TIMP2: variants seen among roughly 807,000 people sequenced by gnomAD.
TIMP2 encodes the protein metalloproteinase inhibitor 2.
Under a neutral mutation model 24.3 loss-of-function variants are expected in TIMP2, and 5 were observed. That is an observed-to-expected ratio of 0.21 (90% confidence interval 0.11 to 0.43). TIMP2 has a LOEUF of 0.43. TIMP2 is among the 20% of genes least tolerant of loss of function. TIMP2 has a pLI of 1.00. For synonymous variants in TIMP2, 130 were observed against 123.2 expected (o/e 1.06, Z -0.37); for missense variants, 221 against 297.5 (o/e 0.74, Z 1.89).
At chr17:78,874,147 C>T (rs2069709476) in intron 1 of TIMP2, 1 of 504,304 alleles carries the variant, frequency 2.0e-6, no homozygotes, top group African/African-American at 2.0e-5. Flanking sequence ...GATTCTTCAA[C>T]AAGAATCCCT....
At chr17:78,883,790 C>G (rs932959632) in intron 1 of TIMP2, among the ~76,000 whole-genome samples, 3 of 152,172 alleles carry the variant, frequency 2.0e-5, no homozygotes, top group Admixed American at 1.3e-4. Context: ...CAAAGCCGCC[C>G]TCTCTGCCCA....
rs1284684244 is a variant in TIMP2, at chr17:78,891,220, G to A, written c.131-17301C>T. The A allele has an allele frequency of 1.2e-5, 18 of 1,550,540 alleles. No individual in the cohort carries two copies. In the South Asian group the frequency reaches 2.0e-4, roughly 17 times the overall value. ...CCTGATATTTTTGGTTCTGGGCCTT[G>A]CCCATGAACGTTTTCAAGTCGGTCT... On this transcript the variant is annotated intron_variant, in intron 1 of 4. Coordinates refer to ENST00000262768, the MANE Select transcript of TIMP2 (RefSeq NM_003255.5). This position sits in a 1 kb window ranked among gnomAD's most constrained non-coding sequence, Gnocchi z 4.5.
intron 1 of TIMP2, among the ~76,000 whole-genome samples, chr17:78,881,172 C>T (rs2080616778): frequency 6.6e-6 from 1 of 152,272 alleles, no homozygotes; most frequent in African/African-American, 2.4e-5. Flanking sequence ...TGCTCAGTAT[C>T]ACTGGAGGGC....
At chr17:78,917,077 C>G (rs1463520747) in intron 1 of TIMP2, among the ~76,000 whole-genome samples, 1 of 152,120 alleles carries the variant, frequency 6.6e-6, no homozygotes, top group Non-Finnish European at 1.5e-5. Flanking sequence ...AGGGTGAAAC[C>G]CCGTCTCTAC....
chr17:78,872,141 A>G (rs1349689424), intron 2 of TIMP2, among the ~76,000 whole-genome samples: 1 of 146,026 alleles, frequency 6.8e-6, no homozygotes, highest in African/African-American at 2.5e-5. Context: ...GGCGCATGCC[A>G]CCATGCTTGG....
At chr17:78,895,393 C>G (rs1345857275) in intron 1 of TIMP2, among the ~76,000 whole-genome samples, 1 of 152,216 alleles carries the variant, frequency 6.6e-6, no homozygotes, top group Non-Finnish European at 1.5e-5. Flanking sequence ...CGGCAGCGGT[C>G]TTTAGAGAAA....
chr17:78,865,792 G>A (rs758681269), intron 3 of TIMP2, among the ~76,000 whole-genome samples: 17 of 152,168 alleles, frequency 1.1e-4, no homozygotes, highest in Non-Finnish European at 1.9e-4. Context: ...ACTCCATCTC[G>A]AACAAAAACA....
chr17:78,861,754 A>T (rs1023811225), intron 3 of TIMP2, among the ~76,000 whole-genome samples: 16 of 152,092 alleles, frequency 1.1e-4, no homozygotes, highest in Middle Eastern at 3.4e-3. Context: ...GGTATGCGCC[A>T]CCACCCATGG....
At chr17:78,884,146 G>A (rs565973291) in intron 1 of TIMP2, among the ~76,000 whole-genome samples, 1 of 152,300 alleles carries the variant, frequency 6.6e-6, no homozygotes, top group East Asian at 1.9e-4. Flanking sequence ...AGGAGGCAGA[G>A]GGAGCCTGGA....
intron 1 of TIMP2, chr17:78,898,071 T>C (rs1181772834): frequency 6.6e-6 from 1 of 152,058 alleles, no homozygotes; most frequent in Non-Finnish European, 1.5e-5. Flanking sequence ...AAACAAAAGC[T>C]CAGAGAGGCT....
At position 78,901,285 on chromosome 17, in the gene TIMP2, C is replaced by T. The variant is rs150028370; in HGVS notation, c.130+23674G>A. 1,301 of 156,620 alleles carry T rather than the reference C, an allele frequency of 8.3e-3. 21 individuals carry two copies. Among genetic ancestry groups the T allele is most frequent in the African/African-American group, 0.03 (1,234 of 41,574 alleles). 9.7% of individuals were successfully genotyped at this position (156,620 alleles called of 1,614,324 possible). ...AGAAATGGCCAATTTGATCATGTCA[C>T]GGGATAAAGTTTCAAAATCAATAAA... On this transcript the variant is annotated intron_variant, in intron 1 of 4. Coordinates refer to ENST00000262768, the MANE Select transcript of TIMP2 (RefSeq NM_003255.5).
At chr17:78,871,404 A>G (rs2145754077) in intron 2 of TIMP2, among the ~76,000 whole-genome samples, 1 of 144,192 alleles carries the variant, frequency 6.9e-6, no homozygotes, top group African/African-American at 2.6e-5. Flanking sequence ...GTGAGCTGAG[A>G]TGGCGCCACT....
chr17:78,907,612 T>C (rs1376875188), intron 1 of TIMP2, among the ~76,000 whole-genome samples: 1 of 152,118 alleles, frequency 6.6e-6, no homozygotes, highest in Non-Finnish European at 1.5e-5. Flanking sequence ...GCAAGAATTA[T>C]TAAAATGGGA....
chr17:78,874,086 C>T (rs1431369016), intron 1 of TIMP2, 167 bp from the exon 2 acceptor site: 1 of 564,478 alleles, frequency 1.8e-6, no homozygotes, highest in South Asian at 2.2e-5. Flanking sequence ...GGCATGGCGT[C>T]TCCTCCTCCA....
chr17:78,908,979 C>A (rs566882483), intron 1 of TIMP2, among the ~76,000 whole-genome samples: 1 of 152,056 alleles, frequency 6.6e-6, no homozygotes, highest in African/African-American at 2.4e-5. Flanking sequence ...AGAGGAGCAC[C>A]CCCAGAAGAG....
In TIMP2 at chr17:78,891,126, T is replaced by C; in HGVS notation, c.131-17207A>G. ...GTGCTATACAATAATGAGTCCTCTT[T>C]GTTGATAAATATACCTGCCTCGGGA... is the stretch of plus-strand genomic sequence containing the variant. On this transcript the variant is annotated intron_variant, in intron 1 of 4. Transcript: ENST00000262768. The surrounding 1 kb of genome is among the most constrained non-coding windows in gnomAD (Gnocchi z 4.5). 2 of 1,550,766 alleles carry C rather than the reference T, an allele frequency of 1.3e-6. No individual in the cohort carries two copies. The highest frequency in any genetic ancestry group is 1.7e-6 in the Non-Finnish European group (2 of 1,147,036).
At chr17:78,893,318 GGT>G (rs1308542448) in intron 1 of TIMP2, among the ~76,000 whole-genome samples, 4 of 129,534 alleles carry the variant, frequency 3.1e-5, no homozygotes, top group East Asian at 2.4e-4. Context: ...TATGTGCAAG[GGT>G]GTGTGTGTCT....
chr17:78,871,827 C>G (rs1231264221), intron 2 of TIMP2, among the ~76,000 whole-genome samples: 3 of 145,346 alleles, frequency 2.1e-5, no homozygotes, highest in African/African-American at 7.8e-5. Flanking sequence ...GCCTGGGAGA[C>G]AGCAAGACTC....
chr17:78,890,665 G>A, intron 1 of TIMP2: 1 of 1,550,428 alleles, frequency 6.4e-7, no homozygotes, highest in South Asian at 1.2e-5. Context: ...ACTCCCGCAA[G>A]CATTTCCGGG....
Sources: gnomAD v4.1 joint callset for allele counts (sites outside exome capture counted in the v4.1 genomes callset) on GRCh38, gnomAD v4.1.1 for gene constraint, Gnocchi (gnomAD v3.1) non-coding constraint, MANE v1.5 for transcripts, NCBI Gene and HGNC (gene_info 2026-07-23, HGNC 2026-07-21) for gene names.